The following PLAC9 variants were observed in gnomAD, a reference collection of about 807,000 sequenced individuals.
PLAC9 encodes placenta-specific protein 9.
PLAC9 carries 12 observed loss-of-function variants against 11.5 expected under a neutral mutation model. The ratio of observed to expected loss-of-function variants is 1.05; its 90% confidence interval spans 0.67 to 1.69. The LOEUF is 1.69. Ranked by LOEUF, PLAC9 falls within the 40% of genes most tolerant of loss-of-function variation. PLAC9 has a pLI of 0.00. For missense variants in PLAC9, 132 were observed against 130.5 expected, an observed-to-expected ratio of 1.01 and a Z score of -0.06; for synonymous variants, 62 against 58.1, an observed-to-expected ratio of 1.07 and a Z score of -0.31.
In PLAC9 at chr10:80,145,246, A is replaced by G; in HGVS notation, c.*336A>G. ...CAAAATGTGGCCATAGGTGAAAAGC[A>G]AGGGGATCAGGGTCTCAGGACCCAC... On this transcript the variant is annotated 3_prime_UTR_variant, in exon 4 of 4. Coordinates refer to ENST00000372263, the MANE Select transcript of PLAC9 (RefSeq NM_001012973.3). 1 of 474,980 alleles carries G rather than the reference A, an allele frequency of 2.1e-6. No homozygotes were observed. Among genetic ancestry groups the G allele is most frequent in the Admixed American group, 4.0e-5 (1 of 24,896 alleles). The allele number at this position is 474,980 out of a possible 1,614,324, so 29.4% of individuals were successfully genotyped here.
chr10:80,142,423 A>G (rs1044240779), intron 2 of PLAC9, among the ~76,000 whole-genome samples: 2 of 152,160 alleles, frequency 1.3e-5, no homozygotes, highest in Non-Finnish European at 2.9e-5. Flanking sequence ...CTGGATGGGA[A>G]GGTGGAAATT....
In PLAC9 at chr10:80,144,882, G is replaced by T. The variant is rs2819874; in HGVS notation, c.284-18G>T. On this transcript the variant is annotated intron_variant, in intron 3 of 3. Transcript: ENST00000372263. The stretch of plus-strand genomic sequence containing the variant: ...CGGCACCCCAGCTTGCTCACTGGGG[G>T]CCTCTGCTTTCTTTCAGATGGCTTC... 6.4e-7 allele frequency: 1 copy of T among 1,569,294 alleles called. No individual in the cohort carries two copies. Among genetic ancestry groups the T allele is most frequent in the Non-Finnish European group, 8.6e-7 (1 of 1,157,642 alleles).
rs187505559 is a variant in PLAC9, at chr10:80,144,120, C to T, written c.163-103C>T. 4,673 of 1,534,832 alleles carry T rather than the reference C, an allele frequency of 3.0e-3. 13 individuals are homozygous for T. Among genetic ancestry groups the T allele is most frequent in the Non-Finnish European group, 4.0e-3 (4,406 of 1,113,634 alleles). On this transcript the variant is annotated intron_variant, in intron 2 of 3. Transcript: ENST00000372263. The stretch of plus-strand genomic sequence containing the variant: ...GGTCACTTAGCGCCCAGTCCTTTCC[C>T]ACTGCACCGCACTGGACCGCCAGCT...
At chr10:80,132,647 G>A, upstream of PLAC9, 1 of 831,138 alleles carries the variant, frequency 1.2e-6, no homozygotes, top group Non-Finnish European at 1.7e-6. Context: ...AGAAAGTCCG[G>A]AGCCGCCCAG....
intron 1 of PLAC9, among the ~76,000 whole-genome samples, chr10:80,134,791 A>G (rs1844954856): frequency 1.3e-5 from 2 of 152,106 alleles, no homozygotes; most frequent in African/African-American, 4.8e-5. Flanking sequence ...TTTGGTCAAT[A>G]TGTCTGTTAG....
chr10:80,133,988 T>C (rs1462157807), intron 1 of PLAC9, among the ~76,000 whole-genome samples: 4 of 151,502 alleles, frequency 2.6e-5, no homozygotes, highest in Admixed American at 2.0e-4. Context: ...AGTATTCATG[T>C]ATTAGTGTAA....
At chr10:80,134,614 A>C (rs181953733) in intron 1 of PLAC9, among the ~76,000 whole-genome samples, 1 of 152,246 alleles carries the variant, frequency 6.6e-6, no homozygotes, top group African/African-American at 2.4e-5. Flanking sequence ...CCTCTAAGAG[A>C]TAAGCACTCT....
intron 1 of PLAC9, among the ~76,000 whole-genome samples, chr10:80,140,820 T>C (rs1477525306): frequency 3.3e-5 from 5 of 152,150 alleles, no homozygotes; most frequent in Non-Finnish European, 5.9e-5. Context: ...TGAGCCACCA[T>C]GCCTGGCTAA....
chr10:80,134,270 T>C (rs1171814765), intron 1 of PLAC9, among the ~76,000 whole-genome samples: 1 of 150,520 alleles, frequency 6.6e-6, no homozygotes, highest in East Asian at 1.9e-4. Context: ...TCTTTCTTTT[T>C]TTTTTTTTTT....
intron 2 of PLAC9, 144 bp downstream of exon 2, chr10:80,142,323 C>G (rs1845050250): frequency 1.6e-6 from 1 of 631,016 alleles, no homozygotes; most frequent in African/African-American, 1.8e-5. Flanking sequence ...CATCACCCTC[C>G]CATCTAGGCT....
chr10:80,134,244 A>G (rs1844947969), intron 1 of PLAC9, among the ~76,000 whole-genome samples: 1 of 141,432 alleles, frequency 7.1e-6, no homozygotes, highest in South Asian at 2.3e-4. Flanking sequence ...GGCATTGTAT[A>G]TTTTCTTTCT....
In PLAC9 at chr10:80,132,766, C is replaced by T; in HGVS notation, c.4C>T (p.Arg2Trp). Residue 2 changes from arginine to tryptophan, a missense_variant, in exon 1 of 4, where the codon CGG (arginine) becomes TGG (tryptophan). Arg to Trp is a moderately radical substitution (Grantham distance 101). Transcript: ENST00000372263. M[R>W]PLLCALTGLA... ...TGCGCTCGGCCAGGCCGGCACCATGCGGCCCCTGCTCTGCGCGCTGACCGG... is the reference window on the plus strand; with the variant it reads ...TGCGCTCGGCCAGGCCGGCACCATGTGGCCCCTGCTCTGCGCGCTGACCGG... The T allele has an allele frequency of 6.8e-7, 1 of 1,478,452 alleles. No homozygotes were observed. The highest frequency in any genetic ancestry group is 8.9e-7 in the Non-Finnish European group (1 of 1,123,096). 91.6% of individuals were successfully genotyped at this position (1,478,452 alleles called of 1,614,324 possible). A position where few individuals can be genotyped will look rare whatever the true frequency, so the allele number is the denominator to read the frequency against.
chr10:80,135,393 T>C (rs1299355740), intron 1 of PLAC9, among the ~76,000 whole-genome samples: 1 of 139,940 alleles, frequency 7.1e-6, no homozygotes, highest in Non-Finnish European at 1.5e-5. Context: ...TGGTGCGATC[T>C]CAGCTCATCA....
chr10:80,144,398 G>C, intron 3 of PLAC9, 55 bp downstream of exon 3: 2 of 1,521,602 alleles, frequency 1.3e-6, no homozygotes, highest in Non-Finnish European at 8.8e-7. Context: ...TCTGGCGCTG[G>C]GCAGGCGAGA....
intron 1 of PLAC9, among the ~76,000 whole-genome samples, chr10:80,138,951 C>CTTTTTTT (rs773767546): frequency 7.6e-6 from 1 of 131,316 alleles, no homozygotes; most frequent in African/African-American, 3.1e-5. Flanking sequence ...TGCAATATTC[C>CTTTTTTT]TTTTTTTTTT....
intron 1 of PLAC9, among the ~76,000 whole-genome samples, chr10:80,135,014 G>GTTTGTTTATTTA (rs141851880): frequency 1.4e-4 from 21 of 149,356 alleles, no homozygotes; most frequent in African/African-American, 5.0e-4. Flanking sequence ...TTGTTTGTTT[G>GTTTGTTTATTTA]TTTATTTATT....
intron 1 of PLAC9, among the ~76,000 whole-genome samples, chr10:80,140,980 T>G (rs1225432695): frequency 1.3e-5 from 2 of 152,206 alleles, no homozygotes; most frequent in African/African-American, 4.8e-5. Context: ...CCTTTCACCC[T>G]TCTGTGCATC....
upstream of PLAC9, among the ~76,000 whole-genome samples, chr10:80,132,157 C>CTT (rs765753332): frequency 2.0e-5 from 3 of 151,894 alleles, no homozygotes; most frequent in African/African-American, 7.3e-5. Context: ...ACGATTTTAC[C>CTT]TTTTCTTTTT....
In PLAC9 at chr10:80,144,206, C is replaced by G; in HGVS notation, c.163-17C>G. 6.2e-7 allele frequency: 1 copy of G among 1,614,100 alleles called. No individual in the cohort carries two copies. Among genetic ancestry groups the G allele is most frequent in the Non-Finnish European group, 8.5e-7 (1 of 1,180,006 alleles). ...GAACCACTTCTGTCCTCGACTTTAC[C>G]CCACTTCCCACTCTAGATGGTAGAG... On this transcript the variant is annotated splice_polypyrimidine_tract_variant and intron_variant, in intron 2 of 3. Coordinates refer to ENST00000372263, the MANE Select transcript of PLAC9 (RefSeq NM_001012973.3).
Sources: gnomAD v4.1 joint callset for allele counts (sites outside exome capture counted in the v4.1 genomes callset) on GRCh38, gnomAD v4.1.1 for gene constraint, MANE v1.5 for transcripts, NCBI Gene and HGNC (gene_info 2026-07-23, HGNC 2026-07-21) for gene names.